Variants in CROT observed in about 807,000 individuals in gnomAD.
CROT encodes the protein carnitine O-octanoyltransferase.
Under a neutral mutation model 89.2 loss-of-function variants are expected in CROT, and 84 were observed. That is an observed-to-expected ratio of 0.94 (90% CI 0.79 to 1.13). CROT has a LOEUF of 1.13. CROT is among the 50% of genes most tolerant of loss of function. CROT has a pLI of 0.00. For missense variants in CROT, 711 were observed against 727.8 expected, an observed-to-expected ratio of 0.98 and a Z score of 0.27; for synonymous variants, 212 against 239.5, an observed-to-expected ratio of 0.89 and a Z score of 1.06.
Position 87,351,699 on chromosome 7 carries a change from G to A in CROT, c.115+2516G>A, listed in dbSNP as rs76937720. Among the ~76,000 whole-genome samples, 1,108 of 152,228 alleles carry A rather than the reference G, an allele frequency of 7.3e-3. 12 individuals are homozygous for A. Among genetic ancestry groups the A allele is most frequent in the African/African-American group, 0.025 (1,039 of 41,514 alleles). On this transcript the variant is annotated intron_variant, in intron 3 of 17. Coordinates refer to ENST00000331536, the MANE Select transcript of CROT (RefSeq NM_021151.4). ...TGCCTGTGGGACTTTATGAGAGGCA[G>A]GTTTAATTTTGGATGAATGTACCCA...
At chr7:87,398,000 T>C (rs187221876) in intron 17 of CROT, among the ~76,000 whole-genome samples, 36 of 152,302 alleles carry the variant, frequency 2.4e-4, no homozygotes, top group African/African-American at 6.5e-4. Flanking sequence ...GGATTTCTTA[T>C]TAGGAGTATC....
chr7:87,357,396 A>G, intron 3 of CROT: 1 of 1,415,348 alleles, frequency 7.1e-7, no homozygotes, highest in Non-Finnish European at 9.7e-7. Context: ...GGCTAGAAAT[A>G]TTATCCTTGA....
At chr7:87,382,033 G>A (rs31630) in intron 11 of CROT, 40 bp downstream of exon 11, 1,389,653 of 1,578,206 alleles carry the variant, frequency 0.88, 613,424 homozygotes, top group Middle Eastern at 0.92. Flanking sequence ...TCTCCTAATA[G>A]TTCTATAGAT....
chr7:87,366,639 CTT>C (rs1351208732), intron 6 of CROT, among the ~76,000 whole-genome samples: 3 of 152,212 alleles, frequency 2.0e-5, no homozygotes, highest in Admixed American at 6.5e-5. Context: ...CTACTGCTCT[CTT>C]CATGGCTCCA....
Position 87,399,174 on chromosome 7 carries a change from A to G in CROT, c.*530A>G, listed in dbSNP as rs1042011410. On this transcript the variant is annotated 3_prime_UTR_variant, in exon 18 of 18. Transcript: ENST00000331536. ...GAAAGACCACTACAATCTAATGGTGATCTAAAATAACTTTTTTGGGCTGGG... is the reference window on the plus strand; with the variant it reads ...GAAAGACCACTACAATCTAATGGTGGTCTAAAATAACTTTTTTGGGCTGGG... 2 of 153,428 alleles carry G rather than the reference A, an allele frequency of 1.3e-5. No individual in the cohort carries two copies. Among genetic ancestry groups the G allele is most frequent in the African/African-American group, 4.8e-5 (2 of 41,456 alleles). The allele number at this position is 153,428 out of a possible 1,614,324, so 9.5% of individuals were successfully genotyped here.
At chr7:87,358,808 A>G (rs1368876615) in intron 3 of CROT, among the ~76,000 whole-genome samples, 4 of 152,158 alleles carry the variant, frequency 2.6e-5, no homozygotes, top group Non-Finnish European at 5.9e-5. Context: ...AACTTTTATT[A>G]GGTATAAATG....
chr7:87,380,636 C>A (rs1806964592), intron 10 of CROT, among the ~76,000 whole-genome samples: 1 of 152,118 alleles, frequency 6.6e-6, no homozygotes, highest in Non-Finnish European at 1.5e-5. Context: ...ACAAATAAAG[C>A]ATCAGGATAG....
At chr7:87,380,669 T>C (rs79787079) in intron 10 of CROT, among the ~76,000 whole-genome samples, 1,908 of 152,334 alleles carry the variant, frequency 0.013, 39 homozygotes, top group African/African-American at 0.042. Context: ...ATATATTTTC[T>C]ACCTTCTTTG....
At chr7:87,362,406 C>G (rs1294298107) in intron 6 of CROT, among the ~76,000 whole-genome samples, 1 of 151,388 alleles carries the variant, frequency 6.6e-6, no homozygotes, top group East Asian at 2.0e-4. Flanking sequence ...AAGTGGTCTT[C>G]CTGCCTCAGC....
At chr7:87,388,934 A>AC (rs768131299) in intron 13 of CROT, among the ~76,000 whole-genome samples, 2 of 152,052 alleles carry the variant, frequency 1.3e-5, no homozygotes, top group African/African-American at 4.8e-5. Flanking sequence ...TTACAAGAAA[A>AC]AAACAACCCC....
At position 87,349,116 on chromosome 7, in the gene CROT, C is replaced by T. The variant is rs777350070; in HGVS notation, c.48C>T (p.Tyr16=). 1.9e-6 allele frequency: 3 copies of T among 1,607,476 alleles called. No individual in the cohort carries two copies. Among genetic ancestry groups the T allele is most frequent in the South Asian group, 1.1e-5 (1 of 90,018 alleles). ...CAACTGAAGAACGAACATTTCAGTACCAGGATTCTCTTCCATCACTGCCTG... is the reference window on the plus strand; with the variant it reads ...CAACTGAAGAACGAACATTTCAGTATCAGGATTCTCTTCCATCACTGCCTG... ...AKSTEERTFQ[Y]QDSLPSLPVP... Residue 16 remains tyrosine (Y), a synonymous_variant, in exon 3 of 18, where the codon TAC becomes TAT. Coordinates refer to ENST00000331536, the MANE Select transcript of CROT (RefSeq NM_021151.4).
At position 87,375,914 on chromosome 7, in the gene CROT, G is replaced by A. The variant is rs1271878593; in HGVS notation, c.837G>A (p.Glu279=). The A allele has an allele frequency of 1.2e-6, 2 of 1,612,774 alleles. No individual in the cohort carries two copies. Among genetic ancestry groups the A allele is most frequent in the Admixed American group, 1.7e-5 (1 of 59,928 alleles). The part of the protein sequence containing the change: ...IQSSLLVYSM[E]DSSPHVTPED... ...GTAGTTTACTGGTATATTCCATGGAGGATAGCAGTCCACATGTAACACCAG... is the reference window on the plus strand; with the variant it reads ...GTAGTTTACTGGTATATTCCATGGAAGATAGCAGTCCACATGTAACACCAG... The change falls in exon 9 of 18, where the codon GAG becomes GAA. Residue 279 remains glutamate, a synonymous_variant. Transcript: ENST00000331536.
chr7:87,349,460 T>C (rs1386880657), intron 3 of CROT, among the ~76,000 whole-genome samples: 1 of 152,200 alleles, frequency 6.6e-6, no homozygotes, highest in Non-Finnish European at 1.5e-5. Context: ...GACTAAGCTG[T>C]GCCTATGTGA....
intron 7 of CROT, among the ~76,000 whole-genome samples, chr7:87,372,108 T>C (rs902791931): frequency 8.5e-5 from 13 of 152,086 alleles, no homozygotes; most frequent in African/African-American, 3.1e-4. Context: ...ACAAGTGAGG[T>C]TGAGCATTTT....
intron 13 of CROT, among the ~76,000 whole-genome samples, chr7:87,387,242 T>A (rs956973801): frequency 2.0e-5 from 3 of 152,116 alleles, no homozygotes; most frequent in African/African-American, 7.2e-5. Flanking sequence ...TATGGTAACA[T>A]GACTCCTCTC....
intron 3 of CROT, chr7:87,354,326 G>C (rs1279244107): frequency 2.1e-5 from 11 of 513,594 alleles, no homozygotes; most frequent in Non-Finnish European, 4.3e-5. Context: ...TCTGCAGTGT[G>C]ACTACTTCTG....
chr7:87,373,140 G>A (rs538175286), intron 7 of CROT, among the ~76,000 whole-genome samples: 3 of 152,072 alleles, frequency 2.0e-5, no homozygotes, highest in South Asian at 2.1e-4. Context: ...TTATTGTAGC[G>A]ATGCTAGTAA....
Position 87,382,557 on chromosome 7 carries a change from A to C in CROT, c.1301+14A>C. On this transcript the variant is annotated intron_variant, in intron 13 of 17. Transcript: ENST00000331536. Reference sequence around the variant, plus strand: ...ACTTCATGGACAGTAAGGACCATTCAGTTTCTATTTTCACAGTCTTGAAGT... The same window carrying C: ...ACTTCATGGACAGTAAGGACCATTCCGTTTCTATTTTCACAGTCTTGAAGT... 6.2e-7 allele frequency: 1 copy of C among 1,603,248 alleles called. No homozygotes were observed.
At chr7:87,352,736 G>T (rs1325670200) in intron 3 of CROT, among the ~76,000 whole-genome samples, 1 of 152,128 alleles carries the variant, frequency 6.6e-6, no homozygotes, top group East Asian at 1.9e-4. Context: ...AGGAATTAAT[G>T]TTTTAAACAA....
Sources: allele counts gnomAD v4.1 joint callset (sites outside exome capture counted in the v4.1 genomes callset), GRCh38; gene constraint gnomAD v4.1.1; transcripts MANE v1.5; gene names NCBI Gene and HGNC (gene_info 2026-07-23, HGNC 2026-07-21).